Variants in DCUN1D3 observed in about 807,000 individuals in gnomAD.
DCUN1D3 encodes the protein DCN1-like protein 3.
A neutral mutation model predicts 24.8 loss-of-function variants in DCUN1D3; 6 were observed. The observed-to-expected ratio is 0.24, with a 90% confidence interval of 0.13 to 0.48. The LOEUF (loss-of-function observed/expected upper bound fraction) is 0.48. DCUN1D3 is among the 20% of genes least tolerant of loss of function. DCUN1D3 has a pLI of 0.99. For synonymous variants in DCUN1D3, 120 were observed against 144.9 expected, an observed-to-expected ratio of 0.83 and a Z score of 1.24; for missense variants, 258 against 379.4, an observed-to-expected ratio of 0.68 and a Z score of 2.66.
chr16:20,861,747 T>C (rs1221409644), intron 2 of DCUN1D3, among the ~76,000 whole-genome samples: 1 of 137,640 alleles, frequency 7.3e-6, no homozygotes, highest in Non-Finnish European at 1.5e-5. Flanking sequence ...GGCGTTATTC[T>C]GCAAAAAAAA....
chr16:20,869,353 G>A (rs1015242935), intron 1 of DCUN1D3, among the ~76,000 whole-genome samples: 5 of 152,194 alleles, frequency 3.3e-5, no homozygotes, highest in Admixed American at 6.5e-5. Flanking sequence ...CTACTATTAC[G>A]GAAAGAAAGG....
In DCUN1D3 at chr16:20,859,149, G is replaced by GC. The variant is rs2081716277; in HGVS notation, c.*736dup. 6.6e-6 allele frequency: 1 copy of GC among 152,618 alleles called. No homozygotes were observed. 9.5% of individuals were successfully genotyped at this position (152,618 alleles called of 1,614,324 possible). ...AATGCTCACTTGACTGACAGGTGCA[G>GC]CATGTTGATGGAAAAACTCAACATG... On this transcript the variant is annotated 3_prime_UTR_variant, in exon 3 of 3. Transcript: ENST00000324344.
At chr16:20,873,120 C>CAAAA (rs557201637) in intron 1 of DCUN1D3, among the ~76,000 whole-genome samples, 1 of 63,708 alleles carries the variant, frequency 1.6e-5, no homozygotes. Context: ...GACTCTGTCT[C>CAAAA]AAAAAAAAAA....
chr16:20,897,090 T>C (rs913223600), intron 1 of DCUN1D3, among the ~76,000 whole-genome samples: 4 of 152,256 alleles, frequency 2.6e-5, no homozygotes, highest in African/African-American at 9.6e-5. Flanking sequence ...GCATTTCTAA[T>C]ACTGAGTTTA....
intron 1 of DCUN1D3, among the ~76,000 whole-genome samples, chr16:20,870,353 T>G (rs1256100739): frequency 6.6e-6 from 1 of 152,172 alleles, no homozygotes; most frequent in Non-Finnish European, 1.5e-5. Flanking sequence ...TACTCCAATC[T>G]GAACAACGAG....
intron 1 of DCUN1D3, among the ~76,000 whole-genome samples, chr16:20,884,674 A>AT (rs1294268082): frequency 6.6e-6 from 1 of 152,176 alleles, no homozygotes. Flanking sequence ...CACCTTGCCA[A>AT]TGTGCCCAAT....
In DCUN1D3 at chr16:20,862,510, T is replaced by C; in HGVS notation, c.29A>G (p.Asn10Ser). The C allele has an allele frequency of 6.2e-7, 1 of 1,606,760 alleles. No individual in the cohort carries two copies. Among genetic ancestry groups the C allele is most frequent in the Non-Finnish European group, 8.5e-7 (1 of 1,179,830 alleles). ...TTTGCTGCCCAGGGTCGATGAGGGA[T>C]TCTTACACTTGGTGACACACTGGCC... Reference protein sequence around the residue: MGQCVTKCKNPSSTLGSKNG... With the variant: MGQCVTKCKSPSSTLGSKNG... Residue 10 changes from asparagine to serine, a missense_variant, in exon 2 of 3, where the codon AAT (asparagine) becomes AGT (serine). Asn to Ser is a conservative substitution (Grantham distance 46). Coordinates refer to ENST00000324344, the MANE Select transcript of DCUN1D3 (RefSeq NM_173475.4).
chr16:20,862,768 C>T (rs1457818253), intron 1 of DCUN1D3, 125 bp from the exon 2 acceptor site: 2 of 921,084 alleles, frequency 2.2e-6, no homozygotes, highest in South Asian at 2.1e-5. Context: ...TGGGAGAGAC[C>T]CTGAGTTCAT....
chr16:20,861,744 T>C (rs1279836103), intron 2 of DCUN1D3, among the ~76,000 whole-genome samples: 1 of 145,936 alleles, frequency 6.9e-6, no homozygotes, highest in Non-Finnish European at 1.5e-5. Context: ...AAAGGCGTTA[T>C]TCTGCAAAAA....
rs1042684130 is a variant in DCUN1D3 at position 20,857,421 on chromosome 16, C to T, written c.*2465G>A. The T allele has an allele frequency of 3.3e-5, 5 of 152,188 alleles. No homozygotes were observed. The highest frequency in any genetic ancestry group is 5.9e-5 in the Non-Finnish European group (4 of 68,040). 9.4% of individuals were successfully genotyped at this position (152,188 alleles called of 1,614,324 possible). A position where few individuals can be genotyped will look rare whatever the true frequency, so the allele number is the denominator to read the frequency against. ...GTCTTCTTAAAGGGTGGGGAAGGAA[C>T]CTAGTTTCTCCAGAGTACTCAGGGT... On this transcript the variant is annotated 3_prime_UTR_variant, in exon 3 of 3. Transcript: ENST00000324344.
chr16:20,888,182 G>C (rs2081875643), intron 1 of DCUN1D3, among the ~76,000 whole-genome samples: 1 of 152,206 alleles, frequency 6.6e-6, no homozygotes. Flanking sequence ...TGCCATTCCA[G>C]GTGGGCATAG....
intron 1 of DCUN1D3, among the ~76,000 whole-genome samples, chr16:20,887,185 C>T (rs1057198299): frequency 2.0e-5 from 3 of 152,066 alleles, no homozygotes; most frequent in Admixed American, 2.0e-4. Context: ...GCCTGTAATC[C>T]CAGCTACTCG....
intron 1 of DCUN1D3, among the ~76,000 whole-genome samples, chr16:20,894,042 A>AG (rs1307673012): frequency 6.6e-6 from 1 of 152,154 alleles, no homozygotes; most frequent in African/African-American, 2.4e-5. Flanking sequence ...CGAGGCAGGC[A>AG]GATCACTTGA....
At chr16:20,895,421 C>A (rs1051501334) in intron 1 of DCUN1D3, among the ~76,000 whole-genome samples, 1 of 152,142 alleles carries the variant, frequency 6.6e-6, no homozygotes, top group Non-Finnish European at 1.5e-5. Flanking sequence ...AGCCACCACA[C>A]CCAAACTGTA....
At chr16:20,879,070 G>A (rs936990953) in intron 1 of DCUN1D3, among the ~76,000 whole-genome samples, 2 of 152,126 alleles carry the variant, frequency 1.3e-5, no homozygotes, top group African/African-American at 4.8e-5. Flanking sequence ...TAGCAACACC[G>A]GTGACTTTTC....
rs375899424 is a variant in DCUN1D3 at position 20,898,131 on chromosome 16, G to A, written c.-106+2073C>T. ...TCCCATTCCCTGGAACTTGACAAGC[G>A]CATTCCAGCCAGTTTCTGCACCAGC... On this transcript the variant is annotated intron_variant, in intron 1 of 2. Transcript: ENST00000324344. Among the ~76,000 whole-genome samples the A allele has an allele frequency of 5.3e-5, 8 of 152,184 alleles. No homozygotes were observed. The South Asian group carries it at 1.5e-3, about 28-fold the overall frequency.
chr16:20,866,128 A>C (rs2081760764), intron 1 of DCUN1D3, among the ~76,000 whole-genome samples: 2 of 152,212 alleles, frequency 1.3e-5, no homozygotes, highest in Non-Finnish European at 2.9e-5. Flanking sequence ...ACAATTTCAA[A>C]TGGCAAGGGG....
At chr16:20,899,660 G>C (rs2081951738) in intron 1 of DCUN1D3, among the ~76,000 whole-genome samples, 1 of 152,126 alleles carries the variant, frequency 6.6e-6, no homozygotes, top group Non-Finnish European at 1.5e-5. Flanking sequence ...CAATACATTT[G>C]TCACCCCGTC....
intron 1 of DCUN1D3, among the ~76,000 whole-genome samples, chr16:20,897,985 T>C (rs2081925112): frequency 6.6e-6 from 1 of 152,240 alleles, no homozygotes. Flanking sequence ...CTACCTATTC[T>C]GAGCCCCATA....
Sources: gnomAD v4.1 joint callset for allele counts (sites outside exome capture counted in the v4.1 genomes callset) on GRCh38, gnomAD v4.1.1 for gene constraint, MANE v1.5 for transcripts, NCBI Gene and HGNC (gene_info 2026-07-23, HGNC 2026-07-21) for gene names.